Variants in PCDH17 observed in about 807,000 individuals in gnomAD.
The protein encoded by PCDH17 is protocadherin 17.
In PCDH17, 21 loss-of-function variants were observed where a neutral mutation model predicts 67.7. The observed-to-expected ratio is 0.31, with a 90% confidence interval of 0.22 to 0.45. The LOEUF is 0.45. Ranked by LOEUF, PCDH17 falls within the 20% of genes least tolerant of loss-of-function variation. PCDH17 has a pLI of 1.00. For synonymous variants in PCDH17, 701 were observed against 656.7 expected (o/e 1.07, Z -1.03); for missense variants, 1,471 against 1,564.8 (o/e 0.94, Z 1.01).
upstream of PCDH17, among the ~76,000 whole-genome samples, chr13:57,631,631 T>C (rs907510802): frequency 5.3e-5 from 8 of 152,182 alleles, no homozygotes; most frequent in East Asian, 1.6e-3. Context: ...ACACAGCAAA[T>C]GCTGATCAGG....
chr13:57,633,193 T>G lies in PCDH17; in HGVS notation c.647T>G (p.Leu216Arg). ...QNHHTLVLTA[L>R]DGGEPPRSAT... ...CACCATACGCTCGTGCTGACTGCCC[T>G]GGACGGTGGCGAGCCTCCACGTTCC... The change falls in exon 1 of 4, where the codon CTG (leucine) becomes CGG (arginine). Residue 216 changes from leucine to arginine, a missense_variant. Physicochemically the swap from Leu to Arg is moderately radical, Grantham distance 102. Transcript: ENST00000377918. The surrounding 1 kb of genome is among the most constrained non-coding windows in gnomAD (Gnocchi z 6.2). 6.2e-7 allele frequency: 1 copy of G among 1,613,128 alleles called. No homozygotes were observed. Among genetic ancestry groups the G allele is most frequent in the East Asian group, 2.2e-5 (1 of 44,806 alleles).
chr13:57,643,421 CAT>C (rs1954927586), intron 1 of PCDH17, among the ~76,000 whole-genome samples: 5 of 151,510 alleles, frequency 3.3e-5, no homozygotes, highest in Admixed American at 3.3e-4. Flanking sequence ...AATTATTAGT[CAT>C]AAAAACTAAA....
intron 1 of PCDH17, among the ~76,000 whole-genome samples, chr13:57,647,756 A>G (rs1954982649): frequency 6.6e-6 from 1 of 151,872 alleles, no homozygotes; most frequent in Non-Finnish European, 1.5e-5. Flanking sequence ...AAAGCAATAA[A>G]ATAAACTTCT....
At chr13:57,652,785 A>G (rs560068373) in intron 1 of PCDH17, among the ~76,000 whole-genome samples, 57 of 152,334 alleles carry the variant, frequency 3.7e-4, no homozygotes, top group African/African-American at 1.3e-3. Flanking sequence ...TTCAAAGTTT[A>G]GAGTTCTTGC....
chr13:57,697,245 T>G (rs540940029), intron 3 of PCDH17, among the ~76,000 whole-genome samples: 1 of 151,794 alleles, frequency 6.6e-6, no homozygotes, highest in African/African-American at 2.4e-5. Context: ...AGTTCTTATT[T>G]ATTCATAAAA....
At chr13:57,671,487 A>G (rs1955322051) in intron 3 of PCDH17, among the ~76,000 whole-genome samples, 1 of 151,990 alleles carries the variant, frequency 6.6e-6, no homozygotes, top group African/African-American at 2.4e-5. Flanking sequence ...GCCTCAGAAT[A>G]TTATTCACAC....
In PCDH17 at chr13:57,631,951, A is replaced by G. The variant is rs1004908786; in HGVS notation, c.-596A>G. The G allele has an allele frequency of 2.6e-5, 4 of 153,396 alleles. No individual in the cohort carries two copies. The highest frequency in any genetic ancestry group is 1.3e-4 in the Admixed American group (2 of 15,304). The allele number at this position is 153,396 out of a possible 1,614,324, so 9.5% of individuals were successfully genotyped here. ...GTGCGCTGGGGAAGCTTCAAAATAT[A>G]TCTGTGACTCTGTCTTCGTTGCTCT... On this transcript the variant is annotated 5_prime_UTR_variant, in exon 1 of 4. It adds an upstream start codon to the 5' untranslated region. Coordinates refer to ENST00000377918, the MANE Select transcript of PCDH17 (RefSeq NM_001040429.3).
At chr13:57,679,076 G>C (rs924496603) in intron 3 of PCDH17, among the ~76,000 whole-genome samples, 1 of 151,252 alleles carries the variant, frequency 6.6e-6, no homozygotes, top group African/African-American at 2.4e-5. Flanking sequence ...AATAATATAA[G>C]TAACCTATGT....
intron 1 of PCDH17, among the ~76,000 whole-genome samples, chr13:57,641,752 A>G (rs1954908079): frequency 6.7e-6 from 1 of 150,218 alleles, no homozygotes; most frequent in Non-Finnish European, 1.5e-5. Flanking sequence ...TTGAGCATCT[A>G]GCATAACTGT....
intron 3 of PCDH17, among the ~76,000 whole-genome samples, chr13:57,670,189 TAAAC>T (rs1372528624): frequency 2.0e-5 from 3 of 151,994 alleles, no homozygotes; most frequent in South Asian, 2.1e-4. Context: ...GTTAAAATGT[TAAAC>T]AAGCAAGCAG....
At position 57,634,517 on chromosome 13, in the gene PCDH17, C is replaced by G. The variant is rs771209182; in HGVS notation, c.1971C>G (p.Pro657=). 1.2e-6 allele frequency: 2 copies of G among 1,612,968 alleles called. No individual in the cohort carries two copies. Among genetic ancestry groups the G allele is most frequent in the Non-Finnish European group, 1.7e-6 (2 of 1,179,980 alleles). The change falls in exon 1 of 4, where the codon CCC becomes CCG. Residue 657 remains proline, a synonymous_variant. Coordinates refer to ENST00000377918, the MANE Select transcript of PCDH17 (RefSeq NM_001040429.3). This position sits in a 1 kb window ranked among gnomAD's most constrained non-coding sequence, Gnocchi z 7.8. ...TLHPFWEDVT[P]VVELVVKVTD... is the part of the protein sequence containing the mutation. The stretch of plus-strand genomic sequence containing the variant: ...ACCCTTTCTGGGAGGACGTGACGCC[C>G]GTGGTGGAGCTGGTGGTGAAGGTGA...
chr13:57,692,823 T>G (rs1414172247), intron 3 of PCDH17, among the ~76,000 whole-genome samples: 1 of 151,200 alleles, frequency 6.6e-6, no homozygotes, highest in Non-Finnish European at 1.5e-5. Flanking sequence ...CCATTTTGAT[T>G]AAAAAACAAA....
intron 1 of PCDH17, among the ~76,000 whole-genome samples, chr13:57,661,327 GTGTT>G (rs771033651): frequency 1.2e-4 from 19 of 152,172 alleles, no homozygotes; most frequent in Admixed American, 2.0e-4. Flanking sequence ...AGCCTTTCAA[GTGTT>G]TGTTTGTTTG....
In PCDH17 at chr13:57,634,586, C is replaced by T; in HGVS notation, c.2040C>T (p.Ile680=). The part of the protein sequence containing the change: ...KPTLSAVAKL[I]IRSVSGSLPE... ...CCCTGTCCGCAGTGGCCAAGCTCAT[C>T]ATCCGCTCGGTGAGCGGATCCCTTC... The change falls in exon 1 of 4, where the codon ATC becomes ATT. Residue 680 remains isoleucine, a synonymous_variant. Transcript: ENST00000377918. This position sits in a 1 kb window ranked among gnomAD's most constrained non-coding sequence, Gnocchi z 7.8. The T allele has an allele frequency of 1.9e-6, 3 of 1,613,362 alleles. No individual in the cohort carries two copies. The South Asian group carries it at 3.3e-5, about 18-fold the overall frequency.
chr13:57,699,898 T>G (rs1335648667), intron 3 of PCDH17, among the ~76,000 whole-genome samples: 14 of 152,142 alleles, frequency 9.2e-5, no homozygotes, highest in Non-Finnish European at 1.8e-4. Flanking sequence ...TTTTACTTTT[T>G]AAAATGACCT....
chr13:57,691,928 ACTGT>A (rs1394364359), intron 3 of PCDH17, among the ~76,000 whole-genome samples: 9 of 151,214 alleles, frequency 6.0e-5, no homozygotes, highest in African/African-American at 4.8e-5. Flanking sequence ...TGCATATCAG[ACTGT>A]CTTTCTATTT....
intron 3 of PCDH17, among the ~76,000 whole-genome samples, chr13:57,692,719 C>A (rs1412861982): frequency 1.3e-5 from 2 of 150,844 alleles, no homozygotes; most frequent in Non-Finnish European, 3.0e-5. Context: ...TTTTTTTAGT[C>A]ACCCTTTCAA....
intron 3 of PCDH17, among the ~76,000 whole-genome samples, chr13:57,684,693 G>A (rs1277231147): frequency 6.6e-6 from 1 of 151,836 alleles, no homozygotes; most frequent in Non-Finnish European, 1.5e-5. Context: ...AAAGCCATGG[G>A]GCAAGTTATT....
Position 57,634,839 on chromosome 13 carries a change from A to G in PCDH17, c.2293A>G (p.Asn765Asp). 1.2e-6 allele frequency: 2 copies of G among 1,614,002 alleles called. No homozygotes were observed. Among genetic ancestry groups the G allele is most frequent in the Non-Finnish European group, 1.7e-6 (2 of 1,180,008 alleles). Residue 765 changes from asparagine (N) to aspartate (D), a missense_variant, in exon 1 of 4, where the codon AAT becomes GAT. Physicochemically the swap from Asn to Asp is conservative, Grantham distance 23. This residue lies in a region of PCDH17 where 1,163 missense variants were observed against 1,230.0 expected (regional missense o/e 0.95). Coordinates refer to ENST00000377918, the MANE Select transcript of PCDH17 (RefSeq NM_001040429.3). This position sits in a 1 kb window ranked among gnomAD's most constrained non-coding sequence, Gnocchi z 7.8. ...GKGKKKKINK[N>D]DIMLVQSEVE... The stretch of plus-strand genomic sequence containing the variant: ...GGGCAAGAAGAAGAAGATCAACAAA[A>G]ATGATATCATGCTGGTGCAGAGCGA...
Sources: gnomAD v4.1 joint callset for allele counts (sites outside exome capture counted in the v4.1 genomes callset) on GRCh38, gnomAD v4.1.1 for gene constraint, gnomAD v4.1.1 regional missense constraint, Gnocchi (gnomAD v3.1) non-coding constraint, MANE v1.5 for transcripts, NCBI Gene and HGNC (gene_info 2026-07-23, HGNC 2026-07-21) for gene names.